The following ZNF407 variants were observed in gnomAD, a reference collection of about 807,000 sequenced individuals.
ZNF407 encodes the protein zinc finger protein 407.
In ZNF407, 17 loss-of-function variants were observed where a neutral mutation model predicts 131.2. The observed-to-expected ratio is 0.13, with a 90% CI of 0.09 to 0.19. The LOEUF is 0.19. Ranked by LOEUF, ZNF407 falls within the 10% of genes least tolerant of loss-of-function variation. The probability of loss-of-function intolerance (pLI) is 1.00; values close to 1 mark genes in which losing one functional copy is unlikely to be tolerated. For synonymous variants in ZNF407, 1,156 were observed against 1,062.0 expected (o/e 1.09, Z -1.72); for missense variants, 2,681 against 2,830.6 (o/e 0.95, Z 1.20).
rs150401614 is a variant in ZNF407, at chr18:74,703,363, GTC to G, written c.4802+62255_4802+62256del. 2.0e-5 allele frequency among the ~76,000 whole-genome samples: 3 copies of G among 151,378 alleles called. No homozygotes were observed. Among genetic ancestry groups the G allele is most frequent in the East Asian group, 1.9e-4 (1 of 5,162 alleles). ...TCTCCCCATGTGTGTCTCTGTCTCTGTCTCTCTCTCTCTCTTTTCTGAGATGG... is the reference window on the plus strand; with the variant it reads ...TCTCCCCATGTGTGTCTCTGTCTCTGTCTCTCTCTCTCTTTTCTGAGATGG... On this transcript the variant is annotated intron_variant, in intron 3 of 8. Transcript: ENST00000299687. The surrounding 1 kb of genome is among the most constrained non-coding windows in gnomAD (Gnocchi z 4.1).
At chr18:74,901,915 GTTT>G (rs34297257) in intron 7 of ZNF407, among the ~76,000 whole-genome samples, 43 of 149,616 alleles carry the variant, frequency 2.9e-4, no homozygotes, top group Admixed American at 3.3e-4. Flanking sequence ...TATTTTTAAG[GTTT>G]TTTTTTTTTT....
chr18:74,877,511 G>A (rs892490842), intron 5 of ZNF407, 148 bp downstream of exon 5: 1 of 808,384 alleles, frequency 1.2e-6, no homozygotes, highest in Admixed American at 2.7e-5. Context: ...GTATTTATAG[G>A]TATGGTATCA....
At chr18:74,765,435 T>G (rs1367716333) in intron 3 of ZNF407, among the ~76,000 whole-genome samples, 1 of 152,212 alleles carries the variant, frequency 6.6e-6, no homozygotes, top group Non-Finnish European at 1.5e-5. Flanking sequence ...GCAGTTAATT[T>G]ACATGAAAAT....
intron 3 of ZNF407, among the ~76,000 whole-genome samples, chr18:74,688,448 G>A (rs1478426377): frequency 6.6e-6 from 1 of 152,126 alleles, no homozygotes; most frequent in Non-Finnish European, 1.5e-5. Flanking sequence ...TAATGAATTG[G>A]GAGGCAGATC....
At chr18:74,928,285 T>C (rs775330689) in intron 8 of ZNF407, among the ~76,000 whole-genome samples, 5 of 152,194 alleles carry the variant, frequency 3.3e-5, no homozygotes, top group Non-Finnish European at 5.9e-5. Flanking sequence ...TTGGTTAAGT[T>C]AACCTTTGCC....
intron 8 of ZNF407, among the ~76,000 whole-genome samples, chr18:75,061,099 C>T (rs1973628169): frequency 6.6e-6 from 1 of 152,242 alleles, no homozygotes; most frequent in Non-Finnish European, 1.5e-5. Context: ...ACACCACCAA[C>T]ACGATAAGCA....
chr18:75,052,054 T>C (rs1312200623), intron 8 of ZNF407, among the ~76,000 whole-genome samples: 1 of 152,050 alleles, frequency 6.6e-6, no homozygotes, highest in Non-Finnish European at 1.5e-5. Context: ...ATAAGGAACG[T>C]GATGAGGAGA....
intron 7 of ZNF407, among the ~76,000 whole-genome samples, chr18:74,919,465 G>T (rs1340435047): frequency 6.6e-6 from 1 of 152,108 alleles, no homozygotes; most frequent in South Asian, 2.1e-4. Flanking sequence ...TTGTTCATGG[G>T]AATCTTTCTT....
intron 3 of ZNF407, among the ~76,000 whole-genome samples, chr18:74,668,049 A>T (rs936115542): frequency 2.0e-5 from 3 of 152,142 alleles, no homozygotes; most frequent in African/African-American, 7.2e-5. Flanking sequence ...TGACCAGTTC[A>T]TCCGTATGGG....
chr18:74,813,937 T>A (rs992233300), intron 4 of ZNF407, among the ~76,000 whole-genome samples: 4 of 152,232 alleles, frequency 2.6e-5, no homozygotes, highest in Middle Eastern at 3.4e-3. Context: ...ATGGAAAAAA[T>A]TCTTAGTAAG....
At chr18:75,029,137 C>A (rs1163654970) in intron 8 of ZNF407, among the ~76,000 whole-genome samples, 1 of 152,160 alleles carries the variant, frequency 6.6e-6, no homozygotes, top group South Asian at 2.1e-4. Context: ...CCTGAAAATT[C>A]ATTGCCAAAA....
At chr18:74,918,984 T>C (rs949697897) in intron 7 of ZNF407, among the ~76,000 whole-genome samples, 11 of 152,160 alleles carry the variant, frequency 7.2e-5, no homozygotes, top group African/African-American at 2.7e-4. Context: ...CAAAGGACTG[T>C]CTGGATGCAG....
chr18:74,853,010 T>C (rs2628128), intron 4 of ZNF407, among the ~76,000 whole-genome samples: 147,598 of 152,284 alleles, frequency 0.97, 71,697 homozygotes, highest in East Asian at 1. Context: ...TTATGATTCC[T>C]TAAGGAACAA....
intron 1 of ZNF407, among the ~76,000 whole-genome samples, chr18:74,627,691 C>T (rs1011345124): frequency 1.3e-5 from 2 of 152,054 alleles, no homozygotes; most frequent in Non-Finnish European, 2.9e-5. Context: ...ATAAACAAAG[C>T]GTTCTGTAAT....
At chr18:74,872,766 G>GAAAAAAAAAAAAA (rs5826351) in intron 4 of ZNF407, among the ~76,000 whole-genome samples, 2 of 123,210 alleles carry the variant, frequency 1.6e-5, no homozygotes, top group Non-Finnish European at 3.3e-5. Flanking sequence ...AAAAAAAAAA[G>GAAAAAAAAAAAAA]AAAAAAAAAA....
At chr18:74,733,266 C>T (rs934787597) in intron 3 of ZNF407, among the ~76,000 whole-genome samples, 6 of 151,990 alleles carry the variant, frequency 3.9e-5, no homozygotes, top group African/African-American at 1.4e-4. Flanking sequence ...GTAATCTGTG[C>T]CTGAACCTCT....
intron 8 of ZNF407, among the ~76,000 whole-genome samples, chr18:75,014,548 G>A (rs761455095): frequency 2.0e-5 from 3 of 152,060 alleles, no homozygotes; most frequent in Non-Finnish European, 4.4e-5. Context: ...GGCTTTTCCT[G>A]TCAGATAAGT....
At chr18:74,763,491 A>T (rs568186361) in intron 3 of ZNF407, among the ~76,000 whole-genome samples, 1 of 151,594 alleles carries the variant, frequency 6.6e-6, no homozygotes, top group Non-Finnish European at 1.5e-5. Context: ...AATATCCCAG[A>T]AATCTTTACC....
chr18:74,988,967 C>G (rs772030922), intron 8 of ZNF407, among the ~76,000 whole-genome samples: 3 of 152,188 alleles, frequency 2.0e-5, no homozygotes, highest in Non-Finnish European at 4.4e-5. Context: ...AGCCATCCGA[C>G]TCCTAGGTTT....
Sources: gnomAD v4.1 joint callset for allele counts (sites outside exome capture counted in the v4.1 genomes callset) on GRCh38, gnomAD v4.1.1 for gene constraint, Gnocchi (gnomAD v3.1) non-coding constraint, MANE v1.5 for transcripts, NCBI Gene and HGNC (gene_info 2026-07-23, HGNC 2026-07-21) for gene names.